The following LRRC37A variants were observed in gnomAD, a reference collection of about 807,000 sequenced individuals.
LRRC37A encodes leucine rich repeat containing 37A.
A neutral mutation model predicts 35.4 loss-of-function variants in LRRC37A; 3 were observed. That is an observed-to-expected ratio of 0.08 (90% CI 0.04 to 0.22). The LOEUF is 0.22. LRRC37A is among the 10% of genes least tolerant of loss of function. LRRC37A has a pLI of 1.00. For missense variants in LRRC37A, 67 were observed against 565.3 expected (o/e 0.12, Z 8.94); for synonymous variants, 23 against 215.0 (o/e 0.11, Z 7.81).
upstream of LRRC37A, among the ~76,000 whole-genome samples, chr17:46,289,922 G>C (rs2732603): frequency 0.14 from 21,707 of 151,920 alleles, 1,896 homozygotes; most frequent in Non-Finnish European, 0.22. Context: ...GAGCTCAAGA[G>C]CAGCCTGGCC....
At chr17:46,291,123 G>A (rs2050053960), upstream of LRRC37A, among the ~76,000 whole-genome samples, 1 of 152,200 alleles carries the variant, frequency 6.6e-6, no homozygotes, top group Non-Finnish European at 1.5e-5. Flanking sequence ...TCTATTTATA[G>A]AGAGAGACTG....
the LRRC37A span, among the ~76,000 whole-genome samples, chr17:46,287,216 A>G: frequency 2.0e-5 from 3 of 152,246 alleles, no homozygotes; most frequent in African/African-American, 4.8e-5. Context: ...GGTCTTTAAA[A>G]ACATACTGGA....
chr17:46,288,354 G>GCT (rs1407685897), upstream of LRRC37A, among the ~76,000 whole-genome samples: 1 of 147,572 alleles, frequency 6.8e-6, no homozygotes, highest in Non-Finnish European at 1.5e-5. Flanking sequence ...TGTCTCCCAG[G>GCT]CTGGAGTACA....
chr17:46,284,992 T>C, the LRRC37A span, among the ~76,000 whole-genome samples: 1 of 152,228 alleles, frequency 6.6e-6, no homozygotes, highest in Non-Finnish European at 1.5e-5. Flanking sequence ...GCCTCCCAAG[T>C]AGCTGGATAA....
At chr17:46,285,473 C>A in the LRRC37A span, among the ~76,000 whole-genome samples, 10 of 152,124 alleles carry the variant, frequency 6.6e-5, no homozygotes, top group Non-Finnish European at 1.0e-4. Context: ...AACTCCTGAC[C>A]TCATGATTTG....
At chr17:46,274,320 C>T in the LRRC37A span, among the ~76,000 whole-genome samples, 21,731 of 151,958 alleles carry the variant, frequency 0.14, 1,893 homozygotes, top group Non-Finnish European at 0.22. Context: ...TTACTCATTT[C>T]AACCTGGTGT....
chr17:46,261,162 AACTT>A, the LRRC37A span, among the ~76,000 whole-genome samples: 6 of 152,340 alleles, frequency 3.9e-5, no homozygotes, highest in Admixed American at 2.6e-4. Flanking sequence ...ACCACTAAAG[AACTT>A]ACTTACGTAA....
upstream of LRRC37A, among the ~76,000 whole-genome samples, chr17:46,292,053 C>T (rs1317568339): frequency 1.4e-5 from 2 of 141,512 alleles, no homozygotes; most frequent in Non-Finnish European, 3.1e-5. Flanking sequence ...TTTGACAGGC[C>T]AGGCCCAGTG....
At position 46,324,906 on chromosome 17, in the gene LRRC37A, T is replaced by A. The variant is rs1335875496; in HGVS notation, c.3053+1879T>A. The stretch of plus-strand genomic sequence containing the variant: ...TATGTATGCCTGCAGGGCCCTATTG[T>A]GAGTTTGTTACACAATTTACTGCAA... On this transcript the variant is annotated intron_variant, in intron 7 of 13. Coordinates refer to ENST00000320254, the Ensembl canonical transcript of LRRC37A. 1.0e-4 allele frequency among the ~76,000 whole-genome samples: 8 copies of A among 76,716 alleles called. 1 individual carries two copies. Among genetic ancestry groups the A allele is most frequent in the African/African-American group, 2.7e-4 (8 of 29,802 alleles). The allele number at this position is 76,716 out of a possible 152,430, so 50.3% of individuals were successfully genotyped here.
the LRRC37A span, among the ~76,000 whole-genome samples, chr17:46,267,917 TTTA>T: frequency 2.8e-3 from 414 of 146,540 alleles, 2 homozygotes; most frequent in Admixed American, 0.01. Context: ...TTTTTTTTTT[TTTA>T]GACAGAGTCT....
At chr17:46,277,763 C>T in the LRRC37A span, among the ~76,000 whole-genome samples, 1 of 151,958 alleles carries the variant, frequency 6.6e-6, no homozygotes, top group African/African-American at 2.4e-5. Context: ...TTTCCTGCCT[C>T]AGCCTCCCGA....
chr17:46,264,507 T>C, the LRRC37A span, among the ~76,000 whole-genome samples: 1 of 152,228 alleles, frequency 6.6e-6, no homozygotes, highest in African/African-American at 2.4e-5. Flanking sequence ...CCAAGCAACC[T>C]GATGATAACT....
chr17:46,251,203 T>C, the LRRC37A span, among the ~76,000 whole-genome samples: 1 of 151,784 alleles, frequency 6.6e-6, no homozygotes, highest in Admixed American at 6.6e-5. Flanking sequence ...CCAATTTTGC[T>C]CCCCAAGTGA....
the LRRC37A span, among the ~76,000 whole-genome samples, chr17:46,270,800 G>C: frequency 2.6e-5 from 4 of 152,178 alleles, no homozygotes; most frequent in Admixed American, 6.5e-5. Flanking sequence ...CCAGCTATTG[G>C]GGGGCAGGAG....
chr17:46,248,050 G>A, the LRRC37A span, among the ~76,000 whole-genome samples: 6 of 151,830 alleles, frequency 4.0e-5, no homozygotes, highest in African/African-American at 1.2e-4. Context: ...TTTTACTGGG[G>A]TTCATATCAT....
At chr17:46,282,439 A>C in the LRRC37A span, among the ~76,000 whole-genome samples, 2 of 148,408 alleles carry the variant, frequency 1.3e-5, no homozygotes, top group Admixed American at 6.8e-5. Flanking sequence ...TAAACAGGCA[A>C]GTTCTTGCTG....
At chr17:46,279,488 T>C in the LRRC37A span, among the ~76,000 whole-genome samples, 17 of 148,164 alleles carry the variant, frequency 1.1e-4, no homozygotes, top group Middle Eastern at 3.5e-3. Flanking sequence ...CTGGCCTTTT[T>C]TTTCTTTCTT....
At chr17:46,284,502 A>G in the LRRC37A span, among the ~76,000 whole-genome samples, 2 of 152,276 alleles carry the variant, frequency 1.3e-5, no homozygotes, top group Non-Finnish European at 2.9e-5. Flanking sequence ...TTCTTAGTAC[A>G]GAACAAAATG....
upstream of LRRC37A, among the ~76,000 whole-genome samples, chr17:46,288,187 G>A (rs187499248): frequency 6.6e-6 from 1 of 151,934 alleles, no homozygotes; most frequent in African/African-American, 2.4e-5. Context: ...TATAACCCAG[G>A]CTGCAGGGCA....
Sources: allele counts gnomAD v4.1 joint callset (sites outside exome capture counted in the v4.1 genomes callset), GRCh38; gene constraint gnomAD v4.1.1; transcripts MANE v1.5; gene names NCBI Gene and HGNC (gene_info 2026-07-23, HGNC 2026-07-21).